Variants in STK31 observed in about 807,000 individuals in gnomAD.
STK31 encodes serine/threonine kinase 31.
Under a neutral mutation model 129.7 loss-of-function variants are expected in STK31, and 89 were observed. That is an observed-to-expected ratio of 0.69 (90% CI 0.58 to 0.82). The LOEUF (loss-of-function observed/expected upper bound fraction) is 0.82, where lower values mean the gene tolerates loss of function less well. Ranked by LOEUF, STK31 falls within the 40% of genes least tolerant of loss-of-function variation. The pLI is 0.00. For missense variants in STK31, 1,187 were observed against 1,176.4 expected (o/e 1.01, Z -0.13); for synonymous variants, 448 against 395.3 (o/e 1.13, Z -1.58).
chr7:23,763,208 C>G (rs933171632), intron 11 of STK31, among the ~76,000 whole-genome samples: 1 of 152,104 alleles, frequency 6.6e-6, no homozygotes, highest in East Asian at 1.9e-4. Flanking sequence ...ATGTGGGTCC[C>G]TATCGTCCAT....
chr7:23,817,103 AC>A (rs1259177994), intron 23 of STK31, among the ~76,000 whole-genome samples: 3 of 152,036 alleles, frequency 2.0e-5, no homozygotes, highest in Non-Finnish European at 4.4e-5. Context: ...CAGGAGAATC[AC>A]TTGAACCTGG....
At chr7:23,805,825 A>G (rs1792672936) in intron 22 of STK31, among the ~76,000 whole-genome samples, 1 of 152,234 alleles carries the variant, frequency 6.6e-6, no homozygotes, top group African/African-American at 2.4e-5. Flanking sequence ...TCTCTTTATA[A>G]CATGGTGGTA....
At chr7:23,827,040 C>T (rs1794201104) in intron 23 of STK31, among the ~76,000 whole-genome samples, 2 of 152,120 alleles carry the variant, frequency 1.3e-5, no homozygotes, top group African/African-American at 4.8e-5. Context: ...TTTTTTCCTT[C>T]ATTTCAACTT....
chr7:23,780,347 G>C (rs1790841505), intron 15 of STK31, among the ~76,000 whole-genome samples: 1 of 152,174 alleles, frequency 6.6e-6, no homozygotes, highest in African/African-American at 2.4e-5. Flanking sequence ...ATCTGAGGCA[G>C]GTATCAATCA....
chr7:23,762,993 C>T, intron 11 of STK31, 70 bp downstream of exon 11: 1 of 1,335,612 alleles, frequency 7.5e-7, no homozygotes, highest in Non-Finnish European at 9.9e-7. Context: ...TTAGCATTTA[C>T]CTTAAGACTT....
intron 6 of STK31, among the ~76,000 whole-genome samples, chr7:23,731,100 T>G (rs941589066): frequency 1.3e-5 from 2 of 151,634 alleles, no homozygotes; most frequent in African/African-American, 2.4e-5. Flanking sequence ...GCCAGGCTGG[T>G]CTTGAACTCC....
At chr7:23,737,860 AGTGTGTGT>A (rs67303802) in intron 8 of STK31, among the ~76,000 whole-genome samples, 9,826 of 148,900 alleles carry the variant, frequency 0.066, 388 homozygotes, top group African/African-American at 0.11. Flanking sequence ...GTGGTTGATA[AGTGTGTGT>A]GTGTGTGTGT....
intron 22 of STK31, among the ~76,000 whole-genome samples, chr7:23,794,759 A>T (rs1190774112): frequency 6.6e-6 from 1 of 152,172 alleles, no homozygotes; most frequent in African/African-American, 2.4e-5. Context: ...TAGCAAAGAG[A>T]TTGGTGGCAT....
chr7:23,827,182 T>C (rs1423612069), intron 23 of STK31, among the ~76,000 whole-genome samples: 4 of 152,258 alleles, frequency 2.6e-5, no homozygotes, highest in Admixed American at 2.0e-4. Flanking sequence ...GATAATATGC[T>C]GAAGAGTGTT....
At chr7:23,757,739 C>A (rs941010718) in intron 10 of STK31, among the ~76,000 whole-genome samples, 1 of 152,022 alleles carries the variant, frequency 6.6e-6, no homozygotes, top group Non-Finnish European at 1.5e-5. Flanking sequence ...TTTTACTAAT[C>A]CTCCTCAGCA....
intron 23 of STK31, among the ~76,000 whole-genome samples, chr7:23,819,362 A>G (rs184481940): frequency 7.9e-5 from 12 of 152,106 alleles, no homozygotes; most frequent in Admixed American, 2.6e-4. Context: ...TAAAATTTCA[A>G]ATCTTAAGGA....
At chr7:23,739,714 C>T (rs991276141) in intron 8 of STK31, among the ~76,000 whole-genome samples, 3 of 152,134 alleles carry the variant, frequency 2.0e-5, no homozygotes, top group Non-Finnish European at 2.9e-5. Context: ...TTCCCAACAC[C>T]GTTTATAAAA....
At chr7:23,815,777 A>G (rs142251395) in intron 23 of STK31, among the ~76,000 whole-genome samples, 7 of 152,128 alleles carry the variant, frequency 4.6e-5, no homozygotes, top group African/African-American at 1.7e-4. Flanking sequence ...TATCTCATGT[A>G]CTTCATAAGT....
chr7:23,738,204 A>G (rs1356520919), intron 8 of STK31, among the ~76,000 whole-genome samples: 1 of 152,170 alleles, frequency 6.6e-6, no homozygotes, highest in Non-Finnish European at 1.5e-5. Flanking sequence ...TTACAGTTTT[A>G]TTATTAAGGA....
intron 22 of STK31, among the ~76,000 whole-genome samples, chr7:23,796,661 TC>T (rs1791977613): frequency 6.6e-6 from 1 of 152,164 alleles, no homozygotes; most frequent in Non-Finnish European, 1.5e-5. Flanking sequence ...CTGTGTGCCA[TC>T]CCTTTGTAGT....
At chr7:23,810,840 GTATATAAATATGTATAAATATATATTA>G (rs1793079281) in intron 22 of STK31, among the ~76,000 whole-genome samples, 1 of 132,966 alleles carries the variant, frequency 7.5e-6, no homozygotes, top group Admixed American at 8.1e-5. Context: ...ATATATATTT[GTATATAAATATGTATAAATATATATTA>G]TATATAAATA....
chr7:23,775,320 T>C (rs954500787), intron 15 of STK31, among the ~76,000 whole-genome samples: 1 of 152,224 alleles, frequency 6.6e-6, no homozygotes, highest in African/African-American at 2.4e-5. Context: ...GGCTCTTTTT[T>C]AGTTCCATAT....
At chr7:23,753,293 T>A (rs1370059518) in intron 9 of STK31, among the ~76,000 whole-genome samples, 1 of 152,232 alleles carries the variant, frequency 6.6e-6, no homozygotes, top group East Asian at 1.9e-4. Flanking sequence ...TTTCTTGGAA[T>A]ACTGTGGTTT....
At chr7:23,772,439 A>C (rs1430411168) in intron 15 of STK31, among the ~76,000 whole-genome samples, 161 bp downstream of exon 15, 1 of 152,164 alleles carries the variant, frequency 6.6e-6, no homozygotes, top group Non-Finnish European at 1.5e-5. Context: ...TATATAAATA[A>C]AATTGAGATT....
Sources: gnomAD v4.1 joint callset for allele counts (sites outside exome capture counted in the v4.1 genomes callset) on GRCh38, gnomAD v4.1.1 for gene constraint, MANE v1.5 for transcripts, NCBI Gene and HGNC (gene_info 2026-07-23, HGNC 2026-07-21) for gene names.